TBX5: variants seen among roughly 807,000 people sequenced by gnomAD.
TBX5 encodes T-box transcription factor TBX5.
In TBX5, 8 loss-of-function variants were observed where a neutral mutation model predicts 51.1. The observed-to-expected ratio is 0.16, with a 90% CI of 0.09 to 0.28. The LOEUF (loss-of-function observed/expected upper bound fraction) is 0.28, where lower values mean the gene tolerates loss of function less well. Ranked by LOEUF, TBX5 falls within the 10% of genes least tolerant of loss-of-function variation. The pLI, the probability that TBX5 is intolerant of heterozygous loss-of-function variation, is 1.00. For missense variants in TBX5, 589 were observed against 671.7 expected, an observed-to-expected ratio of 0.88 and a Z score of 1.36; for synonymous variants, 302 against 266.4, an observed-to-expected ratio of 1.13 and a Z score of -1.30.
chr12:114,403,832 G>A lies in TBX5; in HGVS notation c.67C>T (p.Pro23Ser). The A allele has an allele frequency of 6.2e-7, 1 of 1,614,110 alleles. No individual in the cohort carries two copies. The highest frequency in any genetic ancestry group is 1.1e-5 in the South Asian group (1 of 91,078). ...TPLEPDAKDL[P>S]CDSKPESALG... ...GCGCTCTCGGGTTTCGAATCGCAGG[G>A]CAGGTCTTTTGCGTCAGGCTCCAGA... The change falls in exon 2 of 9, where the codon CCC becomes TCC. Residue 23 changes from proline (P) to serine (S), a missense_variant. This residue lies in a region of TBX5 where 101 missense variants were observed against 83.3 expected (regional missense o/e 1.21). Coordinates refer to ENST00000405440, the MANE Select transcript of TBX5 (RefSeq NM_181486.4).
chr12:114,371,839 T>C (rs1173738727), intron 7 of TBX5, among the ~76,000 whole-genome samples: 1 of 152,140 alleles, frequency 6.6e-6, no homozygotes, highest in Non-Finnish European at 1.5e-5. Context: ...TGATCTAACA[T>C]GCACGGACAC....
chr12:114,401,801 C>G, intron 3 of TBX5, 25 bp downstream of exon 3: 2 of 1,611,246 alleles, frequency 1.2e-6, no homozygotes, highest in African/African-American at 2.7e-5. Context: ...CCTCGTCCCT[C>G]TCTCTACACA....
chr12:114,366,075 T>C, intron 8 of TBX5, 90 bp downstream of exon 8: 1 of 1,297,000 alleles, frequency 7.7e-7, no homozygotes, highest in Non-Finnish European at 1.1e-6. Context: ...ATAAAGTAAA[T>C]AAATGAATAC....
At chr12:114,398,872 C>T in intron 4 of TBX5, 152 bp from the exon 5 acceptor site, 1 of 989,078 alleles carries the variant, frequency 1.0e-6, no homozygotes, top group Non-Finnish European at 1.5e-6. Context: ...TAGGTATCTG[C>T]AATCCCAGCT....
At chr12:114,372,202 A>G (rs1001097699) in intron 7 of TBX5, among the ~76,000 whole-genome samples, 1 of 152,226 alleles carries the variant, frequency 6.6e-6, no homozygotes, top group Non-Finnish European at 1.5e-5. Context: ...TATGCAATAG[A>G]TCCAGGTATA....
At chr12:114,389,477 G>A (rs891886480) in intron 6 of TBX5, among the ~76,000 whole-genome samples, 7 of 151,704 alleles carry the variant, frequency 4.6e-5, no homozygotes, top group Non-Finnish European at 1.0e-4. Flanking sequence ...GATGAAGGCC[G>A]GGCGCGGTGG....
intron 7 of TBX5, among the ~76,000 whole-genome samples, chr12:114,368,425 G>A (rs907783060): frequency 4.6e-5 from 7 of 152,122 alleles, no homozygotes; most frequent in South Asian, 4.1e-4. Context: ...AGAGCTACAC[G>A]TAACGCATTT....
chr12:114,379,535 T>C (rs1372500564), intron 7 of TBX5, among the ~76,000 whole-genome samples: 1 of 152,192 alleles, frequency 6.6e-6, no homozygotes, highest in Non-Finnish European at 1.5e-5. Context: ...CAGCCCAGCT[T>C]AAGCTTGGGA....
At chr12:114,379,225 G>T (rs945430890) in intron 7 of TBX5, among the ~76,000 whole-genome samples, 1 of 152,152 alleles carries the variant, frequency 6.6e-6, no homozygotes, top group Non-Finnish European at 1.5e-5. Flanking sequence ...AAATAAAAGT[G>T]CCTCCCTGGT....
chr12:114,407,118 C>T (rs1196246598), upstream of TBX5: 1 of 985,048 alleles, frequency 1.0e-6, no homozygotes, highest in East Asian at 1.1e-4. Flanking sequence ...GCTGTGTAAC[C>T]CTCTGTGACT....
At chr12:114,368,390 A>G (rs559726691) in intron 7 of TBX5, among the ~76,000 whole-genome samples, 2 of 152,332 alleles carry the variant, frequency 1.3e-5, no homozygotes, top group South Asian at 4.1e-4. Flanking sequence ...ATTAAAGAGT[A>G]TACCTGAAAT....
chr12:114,402,641 G>C (rs1871900533), intron 2 of TBX5, among the ~76,000 whole-genome samples: 1 of 152,034 alleles, frequency 6.6e-6, no homozygotes, highest in Non-Finnish European at 1.5e-5. Context: ...TATAGGACAC[G>C]CCTGATGCCA....
chr12:114,359,567 A>G (rs1382291743), intron 8 of TBX5, among the ~76,000 whole-genome samples: 1 of 152,196 alleles, frequency 6.6e-6, no homozygotes, highest in Non-Finnish European at 1.5e-5. Context: ...AACCGAAATG[A>G]GTCTCTTAGG....
chr12:114,405,734 G>A lies in TBX5; in HGVS notation c.-145C>T. On this transcript the variant is annotated 5_prime_UTR_variant, in exon 1 of 9. Coordinates refer to ENST00000405440, the MANE Select transcript of TBX5 (RefSeq NM_181486.4). The stretch of plus-strand genomic sequence containing the variant: ...ATGGTGGCTCCGGGGTTTATGCGGG[G>A]TTTACTGCTTACCCAGAATAGCGGC... 1.0e-6 allele frequency: 1 copy of A among 985,574 alleles called. No homozygotes were observed. The highest frequency in any genetic ancestry group is 1.2e-6 in the Non-Finnish European group (1 of 830,070). 61.1% of individuals were successfully genotyped at this position (985,574 alleles called of 1,614,324 possible). A position where few individuals can be genotyped will look rare whatever the true frequency, so the allele number is the denominator to read the frequency against.
upstream of TBX5, among the ~76,000 whole-genome samples, chr12:114,406,545 C>T (rs1054503884): frequency 6.6e-6 from 1 of 152,132 alleles, no homozygotes; most frequent in Non-Finnish European, 1.5e-5. Context: ...GCTGCCTGAC[C>T]CCGCCTGGCC....
intron 7 of TBX5, among the ~76,000 whole-genome samples, chr12:114,384,889 T>C (rs1366530357): frequency 6.6e-6 from 1 of 152,154 alleles, no homozygotes; most frequent in Non-Finnish European, 1.5e-5. Flanking sequence ...TCCTTTCAAA[T>C]CAGACCAAAT....
At chr12:114,394,405 C>A (rs1346010051) in intron 6 of TBX5, among the ~76,000 whole-genome samples, 1 of 152,172 alleles carries the variant, frequency 6.6e-6, no homozygotes, top group Non-Finnish European at 1.5e-5. Context: ...GCACCAGAGC[C>A]ATTAAGCAAC....
intron 7 of TBX5, among the ~76,000 whole-genome samples, chr12:114,381,930 C>T (rs1172579026): frequency 6.6e-6 from 1 of 152,192 alleles, no homozygotes; most frequent in Non-Finnish European, 1.5e-5. Context: ...TTTGACTCAA[C>T]ATGTCAATTA....
intron 3 of TBX5, among the ~76,000 whole-genome samples, chr12:114,400,702 G>A (rs1193211387): frequency 1.3e-5 from 2 of 152,222 alleles, no homozygotes; most frequent in Admixed American, 1.3e-4. Context: ...CAGGCTCGGG[G>A]GGAAAGAGGG....
Sources: allele counts gnomAD v4.1 joint callset (sites outside exome capture counted in the v4.1 genomes callset), GRCh38; gene constraint gnomAD v4.1.1; regional missense constraint gnomAD v4.1.1; transcripts MANE v1.5; gene names NCBI Gene and HGNC (gene_info 2026-07-23, HGNC 2026-07-21).